Variants in MED13L observed in about 807,000 individuals in gnomAD.
MED13L encodes the protein mediator complex subunit 13L, also known as mediator of RNA polymerase II transcription subunit 13-like.
A neutral mutation model predicts 220.9 loss-of-function variants in MED13L; 7 were observed. That is an observed-to-expected ratio of 0.03 (90% CI 0.02 to 0.06). The LOEUF (loss-of-function observed/expected upper bound fraction) is 0.06, where lower values mean the gene tolerates loss of function less well. MED13L is among the 10% of genes least tolerant of loss of function. MED13L has a pLI of 1.00. For synonymous variants in MED13L, 1,011 were observed against 1,015.2 expected (o/e 1.00, Z 0.08); for missense variants, 1,965 against 2,760.5 (o/e 0.71, Z 6.46).
At chr12:116,094,467 C>T (rs1430484214) in intron 4 of MED13L, among the ~76,000 whole-genome samples, 3 of 152,120 alleles carry the variant, frequency 2.0e-5, no homozygotes, top group Non-Finnish European at 4.4e-5. Flanking sequence ...ATCAGGCTTG[C>T]TAAAGTTATG....
chr12:116,217,860 G>A (rs1469445035), intron 2 of MED13L, among the ~76,000 whole-genome samples: 1 of 152,076 alleles, frequency 6.6e-6, no homozygotes, highest in African/African-American at 2.4e-5. Flanking sequence ...AACCTCATAA[G>A]CATCCTGAGA....
At chr12:116,228,468 C>G (rs146135586) in intron 2 of MED13L, among the ~76,000 whole-genome samples, 1 of 152,242 alleles carries the variant, frequency 6.6e-6, no homozygotes, top group African/African-American at 2.4e-5. Context: ...AAGGCGAACA[C>G]CAACCATGCC....
intron 4 of MED13L, among the ~76,000 whole-genome samples, chr12:116,062,254 G>C (rs61939682): frequency 0.053 from 8,001 of 151,764 alleles, 302 homozygotes; most frequent in Middle Eastern, 0.092. Flanking sequence ...CCAGGCTCAA[G>C]TGATCCTTCC....
chr12:116,193,078 G>A (rs770949185), intron 2 of MED13L, among the ~76,000 whole-genome samples: 1 of 152,026 alleles, frequency 6.6e-6, no homozygotes, highest in Non-Finnish European at 1.5e-5. Flanking sequence ...GCAGTGAGCC[G>A]AGATCATGCC....
At position 115,972,063 on chromosome 12, in the gene MED13L, C is replaced by G. The variant is rs1876624713; in HGVS notation, c.5890+15G>C. Reference sequence around the variant, plus strand: ...TGTGATATGTAATTAATGACAATGACAAGAAGAAATTTACCTGGCATCACT... The same window carrying G: ...TGTGATATGTAATTAATGACAATGAGAAGAAGAAATTTACCTGGCATCACT... On this transcript the variant is annotated intron_variant, in intron 26 of 30. Transcript: ENST00000281928. 1 of 1,613,338 alleles carries G rather than the reference C, an allele frequency of 6.2e-7. No individual in the cohort carries two copies. Among genetic ancestry groups the G allele is most frequent in the Non-Finnish European group, 8.5e-7 (1 of 1,179,592 alleles).
chr12:115,968,060 C>A (rs1026457037), intron 28 of MED13L, among the ~76,000 whole-genome samples: 7 of 130,218 alleles, frequency 5.4e-5, no homozygotes, highest in Admixed American at 1.5e-4. Context: ...AAGTCCCCCC[C>A]CCCCCCCGAT....
At chr12:116,174,793 TGG>T (rs1314950802) in intron 2 of MED13L, 1 of 152,284 alleles carries the variant, frequency 6.6e-6, no homozygotes, top group Non-Finnish European at 1.5e-5. Context: ...CCAGGCACAG[TGG>T]TTCACGCCTG....
intron 2 of MED13L, among the ~76,000 whole-genome samples, chr12:116,204,588 T>C (rs1411660540): frequency 1.3e-5 from 2 of 152,240 alleles, no homozygotes; most frequent in African/African-American, 2.4e-5. Flanking sequence ...TGACTTTTAA[T>C]ATAATGCCTT....
intron 2 of MED13L, among the ~76,000 whole-genome samples, chr12:116,167,174 A>G (rs953813829): frequency 1.3e-5 from 2 of 152,198 alleles, no homozygotes; most frequent in Admixed American, 1.3e-4. Context: ...GGCAGAAAAG[A>G]AACTCTTCAA....
At chr12:116,226,968 T>TC (rs1379481950) in intron 2 of MED13L, among the ~76,000 whole-genome samples, 1 of 152,072 alleles carries the variant, frequency 6.6e-6, no homozygotes, top group Admixed American at 6.5e-5. Flanking sequence ...GTTTTTTTTT[T>TC]TTAACCTTAG....
intron 4 of MED13L, among the ~76,000 whole-genome samples, chr12:116,077,384 T>C (rs562590332): frequency 2.0e-5 from 3 of 152,306 alleles, no homozygotes; most frequent in African/African-American, 7.2e-5. Context: ...ACTCATAGAA[T>C]ATAGATAACA....
At chr12:116,199,509 T>C (rs910800483) in intron 2 of MED13L, among the ~76,000 whole-genome samples, 1 of 152,212 alleles carries the variant, frequency 6.6e-6, no homozygotes, top group Non-Finnish European at 1.5e-5. Flanking sequence ...AAGCTTATCA[T>C]CTGACTTTTA....
At chr12:116,156,969 T>C (rs970468108) in intron 2 of MED13L, among the ~76,000 whole-genome samples, 3 of 152,056 alleles carry the variant, frequency 2.0e-5, no homozygotes, top group Admixed American at 6.6e-5. Context: ...ACTACCGTAA[T>C]AGTCCTAGGC....
intron 28 of MED13L, among the ~76,000 whole-genome samples, chr12:115,968,064 C>T (rs990913462): frequency 5.1e-5 from 7 of 137,616 alleles, no homozygotes; most frequent in African/African-American, 1.3e-4. Flanking sequence ...CCCCCCCCCC[C>T]CCCGATGAAA....
intron 1 of MED13L, among the ~76,000 whole-genome samples, chr12:116,246,951 G>A (rs989679472): frequency 2.7e-5 from 4 of 149,838 alleles, no homozygotes; most frequent in Non-Finnish European, 4.5e-5. Context: ...AAGGGAGGGA[G>A]GGAGAGAGGA....
chr12:116,181,253 C>G (rs1880499007), intron 2 of MED13L: 1 of 151,832 alleles, frequency 6.6e-6, no homozygotes, highest in Non-Finnish European at 1.5e-5. Flanking sequence ...AAACAGTCCC[C>G]TCGAAATCTA....
intron 2 of MED13L, among the ~76,000 whole-genome samples, chr12:116,168,444 T>C (rs1317998295): frequency 6.6e-6 from 1 of 151,926 alleles, no homozygotes; most frequent in Admixed American, 6.6e-5. Context: ...GTGAATACAC[T>C]AACAGGCCTT....
intron 22 of MED13L, 71 bp downstream of exon 22, chr12:115,982,313 G>A (rs1227477970): frequency 6.9e-7 from 1 of 1,446,544 alleles, no homozygotes; most frequent in Admixed American, 1.7e-5. Flanking sequence ...AAAAATCATA[G>A]GCCTGTATTT....
At chr12:116,205,606 G>A (rs1221582358) in intron 2 of MED13L, among the ~76,000 whole-genome samples, 1 of 149,994 alleles carries the variant, frequency 6.7e-6, no homozygotes. Context: ...TTTTTGGCCA[G>A]AGGGAGGGAG....
Sources: allele counts gnomAD v4.1 joint callset (sites outside exome capture counted in the v4.1 genomes callset), GRCh38; gene constraint gnomAD v4.1.1; transcripts MANE v1.5; gene names NCBI Gene and HGNC (gene_info 2026-07-23, HGNC 2026-07-21).